Variants in TRAK2 observed in about 807,000 individuals in gnomAD.
The protein encoded by TRAK2 is trafficking kinesin-binding protein 2.
Under a neutral mutation model 104.6 loss-of-function variants are expected in TRAK2, and 81 were observed. That is an observed-to-expected ratio of 0.77 (90% confidence interval 0.65 to 0.93). The LOEUF (loss-of-function observed/expected upper bound fraction) is 0.93. TRAK2 is among the 40% of genes least tolerant of loss of function. TRAK2 has a pLI of 0.00. For missense variants in TRAK2, 1,002 were observed against 1,089.0 expected (o/e 0.92, Z 1.12); for synonymous variants, 406 against 394.4 (o/e 1.03, Z -0.35).
intron 2 of TRAK2, among the ~76,000 whole-genome samples, chr2:201,415,030 T>C (rs998089064): frequency 3.3e-5 from 5 of 151,766 alleles, no homozygotes; most frequent in African/African-American, 1.2e-4. Context: ...TCTGATAATG[T>C]TCCATTTATT....
chr2:201,387,685 C>A lies in TRAK2; in HGVS notation c.1696+18G>T. 1 of 1,567,170 alleles carries A rather than the reference C, an allele frequency of 6.4e-7. No individual in the cohort carries two copies. The highest frequency in any genetic ancestry group is 1.4e-5 in the African/African-American group (1 of 73,752). On this transcript the variant is annotated intron_variant, in intron 13 of 15. Transcript: ENST00000332624. ...AGTAAGTCACATGGCTTAGTAAGGG[C>A]CCTTACTGATTTATTACCTTCAAGG...
At chr2:201,442,581 C>T (rs1488182116) in intron 1 of TRAK2, among the ~76,000 whole-genome samples, 1 of 152,196 alleles carries the variant, frequency 6.6e-6, no homozygotes, top group Admixed American at 6.5e-5. Flanking sequence ...ATTCAGTCAT[C>T]AACTGTGGGC....
intron 1 of TRAK2, among the ~76,000 whole-genome samples, chr2:201,434,653 C>T (rs1256825193): frequency 6.6e-6 from 1 of 152,110 alleles, no homozygotes; most frequent in Non-Finnish European, 1.5e-5. Flanking sequence ...AATAAAAGAA[C>T]ACCAAACTCT....
chr2:201,405,224 T>C (rs1408029452), intron 3 of TRAK2, among the ~76,000 whole-genome samples: 1 of 152,190 alleles, frequency 6.6e-6, no homozygotes, highest in Non-Finnish European at 1.5e-5. Context: ...CTTCCTGAAC[T>C]TCATCAGTCA....
chr2:201,389,559 G>A, intron 11 of TRAK2, 56 bp from the exon 12 acceptor site: 1 of 1,498,304 alleles, frequency 6.7e-7, no homozygotes, highest in Middle Eastern at 2.1e-4. Context: ...AGCATCTAGA[G>A]AAGAGAATGT....
In TRAK2 at chr2:201,399,465, C is replaced by G; in HGVS notation, c.392G>C (p.Arg131Pro). ...ERDRDLELAARIGQALLKRNH... is the reference protein window; with the variant it reads ...ERDRDLELAAPIGQALLKRNH... ...CCGCTTTAAGAGAGCTTGTCCAATTCGAGCAGCGAGTTCCAGATCACGATC... is the reference window on the plus strand; with the variant it reads ...CCGCTTTAAGAGAGCTTGTCCAATTGGAGCAGCGAGTTCCAGATCACGATC... Residue 131 changes from arginine (R) to proline (P), a missense_variant, in exon 5 of 16, where the codon CGA (arginine) becomes CCA (proline). Transcript: ENST00000332624. 6.2e-7 allele frequency: 1 copy of G among 1,612,556 alleles called. No individual in the cohort carries two copies. Among genetic ancestry groups the G allele is most frequent in the Non-Finnish European group, 8.5e-7 (1 of 1,178,880 alleles).
chr2:201,382,129 A>G (rs141467497), intron 15 of TRAK2, among the ~76,000 whole-genome samples: 5 of 152,276 alleles, frequency 3.3e-5, no homozygotes, highest in African/African-American at 1.2e-4. Context: ...TACACAATAC[A>G]TACTTGCCTT....
intron 1 of TRAK2, among the ~76,000 whole-genome samples, chr2:201,442,091 C>A (rs1050821138): frequency 2.0e-5 from 3 of 151,550 alleles, no homozygotes; most frequent in Non-Finnish European, 4.4e-5. Flanking sequence ...TAGTGGAAAG[C>A]GATACGAGCA....
intron 1 of TRAK2, among the ~76,000 whole-genome samples, chr2:201,446,990 T>C (rs1486280299): frequency 6.6e-6 from 1 of 152,236 alleles, no homozygotes; most frequent in Non-Finnish European, 1.5e-5. Flanking sequence ...TATAATGTTA[T>C]ATTAACAGTG....
At chr2:201,381,390 A>G (rs1252401901) in intron 15 of TRAK2, among the ~76,000 whole-genome samples, 172 bp from the exon 16 acceptor site, 2 of 152,198 alleles carry the variant, frequency 1.3e-5, no homozygotes, top group Admixed American at 6.5e-5. Flanking sequence ...AAATTTTGAC[A>G]TGATACTTCA....
At chr2:201,415,699 T>TG (rs1371473718) in intron 2 of TRAK2, among the ~76,000 whole-genome samples, 12 of 151,568 alleles carry the variant, frequency 7.9e-5, no homozygotes, top group Admixed American at 7.2e-4. Context: ...AAAAAAAGAT[T>TG]GGGGGGAGAA....
At chr2:201,433,695 T>G (rs1576535708) in intron 1 of TRAK2, 1 of 152,216 alleles carries the variant, frequency 6.6e-6, no homozygotes, top group Non-Finnish European at 1.5e-5. Flanking sequence ...GGAATCCCTA[T>G]TAGAGCTTCA....
intron 2 of TRAK2, among the ~76,000 whole-genome samples, chr2:201,408,045 C>T (rs955261883): frequency 6.6e-6 from 1 of 152,056 alleles, no homozygotes; most frequent in Non-Finnish European, 1.5e-5. Flanking sequence ...AAATTATTGC[C>T]AACTATAGCC....
intron 2 of TRAK2, among the ~76,000 whole-genome samples, chr2:201,414,202 G>A (rs1289994402): frequency 2.0e-5 from 3 of 152,038 alleles, no homozygotes; most frequent in Non-Finnish European, 2.9e-5. Flanking sequence ...GAGCTTTTGT[G>A]TTTTTATGTA....
chr2:201,391,532 C>G (rs967690253), intron 10 of TRAK2, among the ~76,000 whole-genome samples: 2 of 152,148 alleles, frequency 1.3e-5, no homozygotes, highest in Non-Finnish European at 2.9e-5. Context: ...CTCAAAGTAT[C>G]TCTCATAAAA....
At chr2:201,427,366 C>T (rs938403510) in intron 1 of TRAK2, among the ~76,000 whole-genome samples, 3 of 149,536 alleles carry the variant, frequency 2.0e-5, no homozygotes, top group Non-Finnish European at 4.4e-5. Flanking sequence ...ATATTCCCCA[C>T]TGTGTCCAAG....
At position 201,381,073 on chromosome 2, in the gene TRAK2, T is replaced by C. The variant is rs139834750; in HGVS notation, c.2215A>G (p.Met739Val). Residue 739 changes from methionine (M) to valine (V), a missense_variant, in exon 16 of 16, where the codon ATG becomes GTG. Met to Val is a conservative substitution (Grantham distance 21). Coordinates refer to ENST00000332624, the MANE Select transcript of TRAK2 (RefSeq NM_015049.3). ...RDSTTTFSST[M>V]SLAKLLQERG... is the part of the protein sequence containing the mutation. ...TCTTGTAGAAGTTTGGCCAAGCTCA[T>C]GGTGCTACTGAAGGTTGTAGTGGAA... 9.7e-5 allele frequency: 156 copies of C among 1,614,056 alleles called. No homozygotes were observed. In the African/African-American group the frequency reaches 2.0e-3, roughly 21 times the overall value.
rs780185223 is a variant in TRAK2 at position 201,393,000 on chromosome 2, T to C, written c.1022A>G (p.His341Arg). The C allele has an allele frequency of 3.1e-6, 5 of 1,613,852 alleles. No individual in the cohort carries two copies. Among genetic ancestry groups the C allele is most frequent in the South Asian group, 2.2e-5 (2 of 91,052 alleles). ...TTCCTTTATTTCTTCTTGGGATTCA[T>C]GTAACATTCCTAGACACTCCATATT... ...DRNMECLGML[H>R]ESQEEIKELR... Residue 341 changes from histidine (H) to arginine (R), a missense_variant, in exon 10 of 16, where the codon CAT (histidine) becomes CGT (arginine). Coordinates refer to ENST00000332624, the MANE Select transcript of TRAK2 (RefSeq NM_015049.3).
intron 1 of TRAK2, among the ~76,000 whole-genome samples, chr2:201,434,454 G>C (rs1308631826): frequency 1.3e-5 from 2 of 152,066 alleles, no homozygotes; most frequent in Non-Finnish European, 2.9e-5. Context: ...TAATGGCCGA[G>C]TTAAAATATT....
Sources: allele counts gnomAD v4.1 joint callset (sites outside exome capture counted in the v4.1 genomes callset), GRCh38; gene constraint gnomAD v4.1.1; transcripts MANE v1.5; gene names NCBI Gene and HGNC (gene_info 2026-07-23, HGNC 2026-07-21).